Variants in HSCB observed in about 807,000 individuals in gnomAD.
HSCB encodes the protein HscB mitochondrial iron-sulfur cluster cochaperone, also known as iron-sulfur cluster co-chaperone protein HscB.
HSCB carries 23 observed loss-of-function variants against 31.3 expected under a neutral mutation model. That is an observed-to-expected ratio of 0.74 (90% CI 0.53 to 1.04). HSCB has a LOEUF of 1.04. Ranked by LOEUF, HSCB falls within the 50% of genes least tolerant of loss-of-function variation. The pLI is 0.00. For missense variants in HSCB, 297 were observed against 288.1 expected (o/e 1.03, Z -0.22); for synonymous variants, 110 against 104.5 (o/e 1.05, Z -0.32).
At chr22:28,756,837 A>G (rs913667548) in intron 5 of HSCB, among the ~76,000 whole-genome samples, 1 of 152,092 alleles carries the variant, frequency 6.6e-6, no homozygotes, top group Admixed American at 6.6e-5. Context: ...AAGAGAATCA[A>G]CTTCTCTAAT....
chr22:28,757,177 TAGTTTAA>T lies in HSCB; in HGVS notation c.*17_*23del, dbSNP rs779788218. The T allele has an allele frequency of 8.6e-6, 12 of 1,389,338 alleles. No homozygotes were observed. The highest frequency in any genetic ancestry group is 1.7e-5 in the Admixed American group (1 of 58,774). The allele number at this position is 1,389,338 out of a possible 1,614,324, so 86.1% of individuals were successfully genotyped here. A position where few individuals can be genotyped will look rare whatever the true frequency, so the allele number is the denominator to read the frequency against. Reference sequence around the variant, plus strand: ...AAGAAGATTCCCCTTTAATTGTGGATAGTTTAAAGTTTAAAAAATAAAGTTCTTGCTG... The same window carrying T: ...AAGAAGATTCCCCTTTAATTGTGGATAGTTTAAAAAATAAAGTTCTTGCTG... On this transcript the variant is annotated 3_prime_UTR_variant, in exon 6 of 6. Coordinates refer to ENST00000216027, the MANE Select transcript of HSCB (RefSeq NM_172002.5).
intron 5 of HSCB, among the ~76,000 whole-genome samples, chr22:28,755,366 C>T (rs543620065): frequency 8.6e-5 from 13 of 151,868 alleles, no homozygotes; most frequent in Admixed American, 2.6e-4. Context: ...GCCAAGATTG[C>T]GCCACTGCAC....
chr22:28,747,952 G>A (rs1046817457), intron 4 of HSCB, among the ~76,000 whole-genome samples: 1 of 152,084 alleles, frequency 6.6e-6, no homozygotes, highest in Non-Finnish European at 1.5e-5. Context: ...TTGGGAGGCC[G>A]AGGCAGGCAG....
chr22:28,751,133 TTCC>T (rs2030218203), intron 4 of HSCB, 105 bp from the exon 5 acceptor site: 1 of 674,790 alleles, frequency 1.5e-6, no homozygotes, highest in Admixed American at 2.8e-5. Flanking sequence ...GAATACAAAC[TTCC>T]TCCTTTGTTG....
chr22:28,745,525 C>T lies in HSCB; in HGVS notation c.424-339C>T, dbSNP rs141310810. On this transcript the variant is annotated intron_variant, in intron 3 of 5. Coordinates refer to ENST00000216027, the MANE Select transcript of HSCB (RefSeq NM_172002.5). The stretch of plus-strand genomic sequence containing the variant: ...TCACACCACTGCACTCCAGCCTGGG[C>T]GACAGAGTGAGACTTCATCTCAAAA... 22 of 160,256 alleles carry T rather than the reference C, an allele frequency of 1.4e-4. No homozygotes were observed. In the East Asian group the frequency reaches 2.7e-3, roughly 20 times the overall value. The allele number at this position is 160,256 out of a possible 1,614,324, so 9.9% of individuals were successfully genotyped here. A position where few individuals can be genotyped will look rare whatever the true frequency, so the allele number is the denominator to read the frequency against.
At chr22:28,744,294 G>A (rs17885109) in intron 2 of HSCB, among the ~76,000 whole-genome samples, 1,901 of 152,360 alleles carry the variant, frequency 0.012, 47 homozygotes, top group African/African-American at 0.043. Context: ...ACTCACGCCT[G>A]TAATCCCAAC....
intron 1 of HSCB, 52 bp from the exon 2 acceptor site, chr22:28,743,830 A>T: frequency 6.8e-7 from 1 of 1,470,734 alleles, no homozygotes; most frequent in Non-Finnish European, 9.5e-7. Context: ...CTCATGGTAG[A>T]TAAACCTTTA....
At position 28,744,671 on chromosome 22, in the gene HSCB, C is replaced by T. The variant is rs760628824; in HGVS notation, c.390C>T (p.Thr130=). 22 of 1,613,950 alleles carry T rather than the reference C, an allele frequency of 1.4e-5. No homozygotes were observed. Among genetic ancestry groups the T allele is most frequent in the Non-Finnish European group, 1.9e-5 (22 of 1,179,842 alleles). The stretch of plus-strand genomic sequence containing the variant: ...CCCTGGTGAATGATGCCTATAAGAC[C>T]CTCCTGGCCCCCCTGAGCAGAGGAC... ...HSTLVNDAYK[T]LLAPLSRGLY... The change falls in exon 3 of 6, where the codon ACC becomes ACT. Residue 130 remains threonine (T), a synonymous_variant. Coordinates refer to ENST00000216027, the MANE Select transcript of HSCB (RefSeq NM_172002.5).
At chr22:28,754,131 CAAA>C (rs2030444019) in intron 5 of HSCB, among the ~76,000 whole-genome samples, 1 of 112,114 alleles carries the variant, frequency 8.9e-6, no homozygotes, top group Non-Finnish European at 1.8e-5. Context: ...AACTCCATCT[CAAA>C]AACAAACAAA....
Position 28,742,153 on chromosome 22 carries a change from G to C in HSCB, c.58G>C (p.Val20Leu), listed in dbSNP as rs768995082. ...GGTGTGGGGGTTTTGGCCGACAGGG[G>C]TTCCCAGAAGGAGACCGCTAAGCTG... ...LRVWGFWPTG[V>L]PRRRPLSCDA... Residue 20 changes from valine to leucine, a missense_variant, in exon 1 of 6, where the codon GTT becomes CTT. Val to Leu is a conservative substitution (Grantham distance 32, BLOSUM62 1). Transcript: ENST00000216027. 1.9e-6 allele frequency: 3 copies of C among 1,613,560 alleles called. No individual in the cohort carries two copies. Among genetic ancestry groups the C allele is most frequent in the Non-Finnish European group, 2.5e-6 (3 of 1,179,838 alleles).
At chr22:28,746,465 G>A (rs1026987479) in intron 4 of HSCB, among the ~76,000 whole-genome samples, 3 of 151,748 alleles carry the variant, frequency 2.0e-5, no homozygotes, top group Non-Finnish European at 4.4e-5. Flanking sequence ...AAAATCTATA[G>A]GGTAGGGCTG....
At chr22:28,745,193 G>T (rs1363277085) in intron 3 of HSCB, 1 of 152,910 alleles carries the variant, frequency 6.5e-6, no homozygotes, top group African/African-American at 2.4e-5. Flanking sequence ...GAATTTCAAG[G>T]ATTTGATGAT....
chr22:28,749,698 G>A (rs570835408), intron 4 of HSCB, among the ~76,000 whole-genome samples: 22 of 152,272 alleles, frequency 1.4e-4, no homozygotes, highest in African/African-American at 5.1e-4. Flanking sequence ...CCGTCAGCTT[G>A]GAGATATGTT....
At chr22:28,756,692 C>T (rs1175584919) in intron 5 of HSCB, among the ~76,000 whole-genome samples, 3 of 151,644 alleles carry the variant, frequency 2.0e-5, no homozygotes, top group Non-Finnish European at 4.4e-5. Flanking sequence ...CAGGGTCTTG[C>T]TTTGTTGCCC....
chr22:28,743,991 C>T lies in HSCB; in HGVS notation c.333+13C>T, dbSNP rs764333575. The T allele has an allele frequency of 6.3e-7, 1 of 1,578,208 alleles. No homozygotes were observed. The highest frequency in any genetic ancestry group is 1.7e-5 in the Admixed American group (1 of 59,976). On this transcript the variant is annotated intron_variant, in intron 2 of 5. Coordinates refer to ENST00000216027, the MANE Select transcript of HSCB (RefSeq NM_172002.5). Reference sequence around the variant, plus strand: ...CCAGAGGTCTCAGGTAGCTTATTGGCCAACCCCAATAATCCCCAAATATGT... The same window carrying T: ...CCAGAGGTCTCAGGTAGCTTATTGGTCAACCCCAATAATCCCCAAATATGT...
At chr22:28,754,056 T>C (rs5762777) in intron 5 of HSCB, among the ~76,000 whole-genome samples, 75,807 of 151,554 alleles carry the variant, frequency 0.5, 19,636 homozygotes, top group East Asian at 0.78. Flanking sequence ...TCGCTTGAAA[T>C]TGGAAGGTGG....
Position 28,751,274 on chromosome 22 carries a change from G to T in HSCB, c.602G>T (p.Ser201Ile). The T allele has an allele frequency of 6.3e-7, 1 of 1,599,632 alleles. No homozygotes were observed. Among genetic ancestry groups the T allele is most frequent in the Non-Finnish European group, 8.5e-7 (1 of 1,170,784 alleles). The change falls in exon 5 of 6, where the codon AGT becomes ATT. Residue 201 changes from serine (S) to isoleucine (I), a missense_variant. Ser to Ile is a moderately radical substitution (Grantham distance 142). Coordinates refer to ENST00000216027, the MANE Select transcript of HSCB (RefSeq NM_172002.5). ...KQKEFTDNVS[S>I]AFEQDDFEEA... ...AAAGAATTTACTGACAATGTGAGCA[G>T]TGCTTTTGAACAAGGTACTTTCTTT...
chr22:28,752,398 T>C (rs2030315665), intron 5 of HSCB, among the ~76,000 whole-genome samples: 1 of 137,320 alleles, frequency 7.3e-6, no homozygotes, highest in Admixed American at 7.9e-5. Flanking sequence ...GCCACTGCAC[T>C]CCAGCCTGGT....
intron 5 of HSCB, among the ~76,000 whole-genome samples, chr22:28,755,474 C>A (rs2030543748): frequency 6.6e-6 from 1 of 152,064 alleles, no homozygotes; most frequent in Non-Finnish European, 1.5e-5. Context: ...TTCCAAGTCC[C>A]TGGTTGACAT....
Sources: allele counts gnomAD v4.1 joint callset (sites outside exome capture counted in the v4.1 genomes callset), GRCh38; gene constraint gnomAD v4.1.1; transcripts MANE v1.5; gene names NCBI Gene and HGNC (gene_info 2026-07-23, HGNC 2026-07-21).